The following FGF13 variants were observed in gnomAD, a reference collection of about 807,000 sequenced individuals.
The protein encoded by FGF13 is fibroblast growth factor 13.
A neutral mutation model predicts 19.5 loss-of-function variants in FGF13; 2 were observed. The observed-to-expected ratio is 0.10, with a 90% CI of 0.04 to 0.32. The LOEUF (loss-of-function observed/expected upper bound fraction) is 0.32. Among genes scored for constraint, FGF13 ranks in the 10% least tolerant of loss-of-function variants. The pLI is 1.00. For missense variants in FGF13, 113 were observed against 192.7 expected (o/e 0.59, Z 2.45); for synonymous variants, 72 against 76.9 (o/e 0.94, Z 0.33).
In FGF13 at chrX:138,618,547, C is replaced by A. The variant is rs747126752; in HGVS notation, c.*14303G>T. On this transcript the variant is annotated 3_prime_UTR_variant, in exon 5 of 5. Coordinates refer to ENST00000315930, the MANE Select transcript of FGF13 (RefSeq NM_004114.5). ...AACTTCACAGACTCCATCAGGAGGC[C>A]CACCCACTAGTGGCTTGGGATGCCT... is the stretch of plus-strand genomic sequence containing the variant. The A allele has an allele frequency of 7.2e-5, 8 of 111,522 alleles. No individual in the cohort carries two copies. The highest frequency in any genetic ancestry group is 1.5e-4 in the Non-Finnish European group (8 of 53,131). The allele number at this position is 111,522 out of a possible 1,213,427, so 9.2% of individuals were successfully genotyped here.
chrX:138,824,753 A>G (rs2091022743), intron 3 of FGF13, among the ~76,000 whole-genome samples: 1 of 111,681 alleles, frequency 9.0e-6, no homozygotes, highest in Admixed American at 9.6e-5. Flanking sequence ...TTTGAAGAAA[A>G]GTGATTGGGC....
At chrX:139,185,802 TG>T (rs1256463590) in intron 1 of FGF13, among the ~76,000 whole-genome samples, 2 of 112,148 alleles carry the variant, frequency 1.8e-5, no homozygotes, top group Admixed American at 9.5e-5. Flanking sequence ...AGTCAGGATC[TG>T]GCATTATCAT....
At chrX:138,869,210 C>T (rs756012416) in intron 1 of FGF13, among the ~76,000 whole-genome samples, 1 of 111,978 alleles carries the variant, frequency 8.9e-6, no homozygotes, top group African/African-American at 3.2e-5. Flanking sequence ...TGCCCAGGAA[C>T]AATGGTGAAA....
chrX:138,968,573 G>A (rs1253541857), intron 1 of FGF13, among the ~76,000 whole-genome samples: 1 of 112,125 alleles, frequency 8.9e-6, no homozygotes, highest in Non-Finnish European at 1.9e-5. Flanking sequence ...CAAGTACTGT[G>A]AAGACAGAGT....
chrX:138,660,784 A>G (rs1310648983), intron 3 of FGF13, among the ~76,000 whole-genome samples: 1 of 111,321 alleles, frequency 9.0e-6, no homozygotes, highest in Admixed American at 9.6e-5. Flanking sequence ...CCATCGTTGT[A>G]CCCTCTATTT....
chrX:138,626,296 A>G lies in FGF13; in HGVS notation c.*6554T>C, dbSNP rs2089063133. 9.0e-6 allele frequency: 1 copy of G among 111,713 alleles called. No homozygotes were observed. Among genetic ancestry groups the G allele is most frequent in the Non-Finnish European group, 1.9e-5 (1 of 53,134 alleles). The allele number at this position is 111,713 out of a possible 1,213,427, so 9.2% of individuals were successfully genotyped here. On this transcript the variant is annotated 3_prime_UTR_variant, in exon 5 of 5. Coordinates refer to ENST00000315930, the MANE Select transcript of FGF13 (RefSeq NM_004114.5). ...CACTAGGCTAATTAATATTTTAGAG[A>G]TACCCAGTGCTATTTCATGTGCCTT...
intron 1 of FGF13, among the ~76,000 whole-genome samples, chrX:139,163,369 A>C (rs1006558406): frequency 3.2e-4 from 35 of 110,412 alleles, no homozygotes; most frequent in African/African-American, 9.9e-4. Flanking sequence ...AGGAAGGGGA[A>C]CATCACACAC....
At chrX:138,945,924 C>G (rs1044021529) in intron 1 of FGF13, among the ~76,000 whole-genome samples, 23 of 110,807 alleles carry the variant, frequency 2.1e-4, no homozygotes, top group Non-Finnish European at 2.5e-4. Context: ...TTTTGTCAAC[C>G]TATTTCCTAA....
intron 1 of FGF13, among the ~76,000 whole-genome samples, chrX:139,162,285 C>T (rs960416700): frequency 8.9e-6 from 1 of 112,078 alleles, no homozygotes; most frequent in African/African-American, 3.2e-5. Context: ...CTGACAAAAA[C>T]AAGCAATGGG....
chrX:138,623,310 G>A lies in FGF13; in HGVS notation c.*9540C>T, dbSNP rs993795101. Reference sequence around the variant, plus strand: ...CTGGAATGGTATGAGAATAATGCTGGCTTCATAAAATGAGTTTGGAAGTGC... The same window carrying A: ...CTGGAATGGTATGAGAATAATGCTGACTTCATAAAATGAGTTTGGAAGTGC... On this transcript the variant is annotated 3_prime_UTR_variant, in exon 5 of 5. Transcript: ENST00000315930. The A allele has an allele frequency of 9.0e-6, 1 of 111,221 alleles. No homozygotes were observed. The highest frequency in any genetic ancestry group is 3.3e-5 in the African/African-American group (1 of 30,604). The allele number at this position is 111,221 out of a possible 1,213,427, so 9.2% of individuals were successfully genotyped here.
rs184249883 is a variant in FGF13, at chrX:139,049,637, G to T, written c.-113+153779C>A. Among the ~76,000 whole-genome samples the T allele has an allele frequency of 2.6e-4, 29 of 112,542 alleles. No homozygotes were observed. The Admixed American group carries it at 2.6e-3, about 10-fold the overall frequency. ...TGGGAACTTGCCATGAGTCACAATG[G>T]CAGCTGGGCTTCAGAGGAAAGCTGG... On this transcript the variant is annotated intron_variant, in intron 1 of 2. Transcript: ENST00000421460.
At chrX:138,941,478 C>T (rs2091757889) in intron 1 of FGF13, among the ~76,000 whole-genome samples, 1 of 111,645 alleles carries the variant, frequency 9.0e-6, no homozygotes, top group African/African-American at 3.3e-5. Context: ...ACAAAATACC[C>T]AGGAATGCAG....
At chrX:138,709,054 G>GC in intron 1 of FGF13, 126 bp from the exon 2 acceptor site, 1 of 390,009 alleles carries the variant, frequency 2.6e-6, no homozygotes, top group Admixed American at 4.6e-5. Context: ...CACTTTTAAG[G>GC]TGTCTGGAAG....
rs905962434 is a variant in FGF13, at chrX:138,629,299, A to T, written c.*3551T>A. The T allele has an allele frequency of 8.9e-6, 1 of 112,451 alleles. No homozygotes were observed. Among genetic ancestry groups the T allele is most frequent in the South Asian group, 3.7e-4 (1 of 2,718 alleles). 9.3% of individuals were successfully genotyped at this position (112,451 alleles called of 1,213,427 possible). A position where few individuals can be genotyped will look rare whatever the true frequency, so the allele number is the denominator to read the frequency against. On this transcript the variant is annotated 3_prime_UTR_variant, in exon 5 of 5. Transcript: ENST00000315930. Reference sequence around the variant, plus strand: ...AAGTTAAACAGATTTCTTTAACACAAGACTTTTCAGAAATTAATTTGCTAA... The same window carrying T: ...AAGTTAAACAGATTTCTTTAACACATGACTTTTCAGAAATTAATTTGCTAA...
intron 3 of FGF13, among the ~76,000 whole-genome samples, chrX:138,751,432 C>A (rs1265649152): frequency 9.0e-6 from 1 of 111,290 alleles, no homozygotes; most frequent in Admixed American, 9.6e-5. Flanking sequence ...TGGAGGGTAA[C>A]TCTATGTCTC....
chrX:138,878,964 C>T (rs928191839), intron 1 of FGF13, among the ~76,000 whole-genome samples: 2 of 111,531 alleles, frequency 1.8e-5, no homozygotes, highest in Non-Finnish European at 3.8e-5. Flanking sequence ...TGAGAAGTGT[C>T]TGTTCATATC....
At chrX:138,782,552 T>A in intron 3 of FGF13, among the ~76,000 whole-genome samples, 1 of 107,252 alleles carries the variant, frequency 9.3e-6, no homozygotes, top group South Asian at 4.3e-4. Flanking sequence ...ATGAGTGAAC[T>A]CCCATTCACA....
At chrX:138,673,784 G>A (rs936301575) in intron 3 of FGF13, among the ~76,000 whole-genome samples, 8 of 111,142 alleles carry the variant, frequency 7.2e-5, no homozygotes, top group Non-Finnish European at 1.5e-4. Context: ...AGAAATTTGA[G>A]TATGAAATAT....
chrX:139,171,820 C>T (rs2084136017), intron 1 of FGF13, among the ~76,000 whole-genome samples: 1 of 111,683 alleles, frequency 9.0e-6, no homozygotes, highest in Non-Finnish European at 1.9e-5. Context: ...AGTTAGAATG[C>T]TAATGACTTT....
Sources: allele counts gnomAD v4.1 joint callset (sites outside exome capture counted in the v4.1 genomes callset), GRCh38; gene constraint gnomAD v4.1.1; transcripts MANE v1.5; gene names NCBI Gene and HGNC (gene_info 2026-07-23, HGNC 2026-07-21).